FAM210A: variants seen among roughly 807,000 people sequenced by gnomAD.
FAM210A encodes mitochondrial inner membrane scaffold 1, also known as family with sequence similarity 210 member A.
A neutral mutation model predicts 25.3 loss-of-function variants in FAM210A; 13 were observed. The observed-to-expected ratio is 0.51, with a 90% confidence interval of 0.33 to 0.82. The LOEUF is 0.82. FAM210A is among the 40% of genes least tolerant of loss of function. The probability of loss-of-function intolerance (pLI) is 0.02; values close to 1 mark genes in which losing one functional copy is unlikely to be tolerated. For synonymous variants in FAM210A, 125 were observed against 118.7 expected (o/e 1.05, Z -0.35); for missense variants, 319 against 323.2 (o/e 0.99, Z 0.10).
chr18:13,691,873 T>C (rs1307787654), intron 1 of FAM210A, among the ~76,000 whole-genome samples: 1 of 21,094 alleles, frequency 4.7e-5, no homozygotes, highest in South Asian at 7.9e-4. Context: ...GCTAACATCA[T>C]AATAACAGGA....
intron 1 of FAM210A, among the ~76,000 whole-genome samples, chr18:13,710,803 T>C (rs1328296348): frequency 3.3e-5 from 5 of 152,126 alleles, no homozygotes; most frequent in African/African-American, 1.2e-4. Flanking sequence ...AAACTATCCT[T>C]GAAAAACCCT....
At chr18:13,700,140 C>G (rs2043727328) in intron 1 of FAM210A, among the ~76,000 whole-genome samples, 1 of 152,214 alleles carries the variant, frequency 6.6e-6, no homozygotes, top group Non-Finnish European at 1.5e-5. Context: ...CAAGACTACT[C>G]CTACTCCCCA....
intron 1 of FAM210A, among the ~76,000 whole-genome samples, chr18:13,711,398 A>C (rs2043820079): frequency 6.6e-6 from 1 of 151,256 alleles, no homozygotes; most frequent in Non-Finnish European, 1.5e-5. Context: ...ACAAAAAACA[A>C]CCCCCCCAAT....
chr18:13,702,079 T>G (rs182033314), intron 1 of FAM210A, among the ~76,000 whole-genome samples: 1 of 152,344 alleles, frequency 6.6e-6, no homozygotes, highest in East Asian at 1.9e-4. Flanking sequence ...GATTTTGCTT[T>G]GTGTGGCGGC....
In FAM210A at chr18:13,666,611, C is replaced by A. The variant is rs777961735; in HGVS notation, c.688G>T (p.Glu230Ter). The A allele has an allele frequency of 1.2e-6, 2 of 1,614,194 alleles. No homozygotes were observed. The highest frequency in any genetic ancestry group is 4.5e-5 in the East Asian group (2 of 44,876). Residue 230 changes from glutamate to a stop codon, truncating the protein, a stop_gained, in exon 4 of 4, where the codon GAG (glutamate) becomes TAG (stop). Coordinates refer to ENST00000651643, the MANE Select transcript of FAM210A (RefSeq NM_152352.4). LOFTEE classifies it high-confidence loss of function. ...TCTTCCATCCTGTCCTGCAGATACT[C>A]CTTGACGGGTGGCGGCGTGGACATG... ...GYMSTPPPVK[E>*]YLQDRMEETK...
At chr18:13,679,789 A>G (rs997784710) in intron 2 of FAM210A, among the ~76,000 whole-genome samples, 3 of 152,182 alleles carry the variant, frequency 2.0e-5, no homozygotes, top group Non-Finnish European at 4.4e-5. Flanking sequence ...AAATAAAACT[A>G]AGAAAGTTGC....
intron 3 of FAM210A, 24 bp from the exon 4 acceptor site, chr18:13,666,737 CA>C (rs770347525): frequency 1.3e-6 from 2 of 1,589,830 alleles, no homozygotes; most frequent in Non-Finnish European, 1.7e-6. Flanking sequence ...CAAACAGAGG[CA>C]AATCAAAACC....
Position 13,666,346 on chromosome 18 carries a change from T to G in FAM210A, c.*134A>C. On this transcript the variant is annotated 3_prime_UTR_variant, in exon 4 of 4. Coordinates refer to ENST00000651643, the MANE Select transcript of FAM210A (RefSeq NM_152352.4). Reference sequence around the variant, plus strand: ...GTGATATTTAACTTTAAAAAGGTATTTTACTTCTTTAACCCTCAGAGAACT... The same window carrying G: ...GTGATATTTAACTTTAAAAAGGTATGTTACTTCTTTAACCCTCAGAGAACT... 1 of 664,418 alleles carries G rather than the reference T, an allele frequency of 1.5e-6. No homozygotes were observed. 41.2% of individuals were successfully genotyped at this position (664,418 alleles called of 1,614,324 possible). A position where few individuals can be genotyped will look rare whatever the true frequency, so the allele number is the denominator to read the frequency against.
intron 2 of FAM210A, among the ~76,000 whole-genome samples, chr18:13,674,837 C>T (rs1484486267): frequency 7.0e-6 from 1 of 143,768 alleles, no homozygotes; most frequent in Admixed American, 6.9e-5. Context: ...TATTAACATT[C>T]CTGAGCCCTG....
At chr18:13,700,704 T>A (rs1254393616) in intron 1 of FAM210A, among the ~76,000 whole-genome samples, 3 of 152,212 alleles carry the variant, frequency 2.0e-5, no homozygotes, top group African/African-American at 7.2e-5. Context: ...AAATATGGCC[T>A]AAGAAGGACT....
chr18:13,716,998 C>G (rs2043866356), intron 1 of FAM210A, among the ~76,000 whole-genome samples: 1 of 152,160 alleles, frequency 6.6e-6, no homozygotes, highest in Admixed American at 6.5e-5. Flanking sequence ...CTGGAGTGTG[C>G]TCTGTTTGCG....
intron 1 of FAM210A, among the ~76,000 whole-genome samples, chr18:13,703,017 T>C (rs2043752993): frequency 6.6e-6 from 1 of 152,186 alleles, no homozygotes; most frequent in Non-Finnish European, 1.5e-5. Context: ...TCTAACAGCA[T>C]GGGACCCCTT....
At chr18:13,708,809 C>A (rs533602737) in intron 1 of FAM210A, among the ~76,000 whole-genome samples, 1 of 151,978 alleles carries the variant, frequency 6.6e-6, no homozygotes, top group South Asian at 2.1e-4. Context: ...AGTACTAGCG[C>A]CTTGCCTGAC....
In FAM210A at chr18:13,665,323, T is replaced by C. The variant is rs1446262219; in HGVS notation, c.*1157A>G. 7.5e-6 allele frequency: 1 copy of C among 133,852 alleles called. No homozygotes were observed. Among genetic ancestry groups the C allele is most frequent in the African/African-American group, 2.9e-5 (1 of 34,970 alleles). 8.3% of individuals were successfully genotyped at this position (133,852 alleles called of 1,614,324 possible). On this transcript the variant is annotated 3_prime_UTR_variant, in exon 4 of 4. Transcript: ENST00000651643. ...TGAACCTGGGAGGCAGAGGATGCAG[T>C]GAGCCGAGATTGTACCATTGCACTC... is the stretch of plus-strand genomic sequence containing the variant.
chr18:13,713,704 C>T (rs550449432), intron 1 of FAM210A, among the ~76,000 whole-genome samples: 4 of 87,890 alleles, frequency 4.6e-5, no homozygotes, highest in East Asian at 3.6e-4. Flanking sequence ...TGATTAGTAG[C>T]GGGGAAGTAT....
intron 1 of FAM210A, among the ~76,000 whole-genome samples, chr18:13,705,749 G>A (rs2043773419): frequency 6.6e-6 from 1 of 152,152 alleles, no homozygotes; most frequent in Non-Finnish European, 1.5e-5. Context: ...CAGGATTACA[G>A]GCATGAGACA....
chr18:13,676,207 G>GCC (rs1446421806), intron 2 of FAM210A, among the ~76,000 whole-genome samples: 6 of 117,644 alleles, frequency 5.1e-5, no homozygotes, highest in South Asian at 2.8e-4. Flanking sequence ...ACATTCCTGA[G>GCC]CCCCGGCTTC....
chr18:13,670,187 A>T (rs1364037157), intron 3 of FAM210A, among the ~76,000 whole-genome samples: 2 of 152,230 alleles, frequency 1.3e-5, no homozygotes, highest in African/African-American at 4.8e-5. Flanking sequence ...ATCAAATAAA[A>T]CAAACACTTA....
chr18:13,697,364 A>G (rs2043703324), intron 1 of FAM210A, among the ~76,000 whole-genome samples: 3 of 152,056 alleles, frequency 2.0e-5, no homozygotes, highest in Admixed American at 2.0e-4. Flanking sequence ...GCAAATTAAA[A>G]ACACTAAGAC....
Sources: gnomAD v4.1 joint callset for allele counts (sites outside exome capture counted in the v4.1 genomes callset) on GRCh38, gnomAD v4.1.1 for gene constraint, MANE v1.5 for transcripts, NCBI Gene and HGNC (gene_info 2026-07-23, HGNC 2026-07-21) for gene names.